The following KIAA1217 variants were observed in gnomAD, a reference collection of about 807,000 sequenced individuals.
KIAA1217 encodes KIAA1217.
In KIAA1217, 88 loss-of-function variants were observed where a neutral mutation model predicts 163.9. The ratio of observed to expected loss-of-function variants is 0.54; its 90% CI spans 0.45 to 0.64. The LOEUF is 0.64. Among genes scored for constraint, KIAA1217 ranks in the 30% least tolerant of loss-of-function variants. The pLI, the probability that KIAA1217 is intolerant of heterozygous loss-of-function variation, is 0.00. For synonymous variants in KIAA1217, 903 were observed against 923.1 expected (o/e 0.98, Z 0.39); for missense variants, 2,372 against 2,475.0 (o/e 0.96, Z 0.88).
At chr10:23,905,089 C>T (rs192780186) in intron 1 of KIAA1217, among the ~76,000 whole-genome samples, 2 of 111,742 alleles carry the variant, frequency 1.8e-5, no homozygotes, top group African/African-American at 3.6e-5. Flanking sequence ...TTTTTTTTAG[C>T]AGAGTAATCA....
intron 5 of KIAA1217, among the ~76,000 whole-genome samples, chr10:24,444,161 C>A (rs1591991342): frequency 6.6e-6 from 1 of 152,042 alleles, no homozygotes; most frequent in African/African-American, 2.4e-5. Flanking sequence ...CAGGTGCACA[C>A]CACCACTCTT....
intron 11 of KIAA1217, 99 bp downstream of exon 11, chr10:24,520,352 T>C: frequency 6.7e-7 from 1 of 1,491,122 alleles, no homozygotes; most frequent in Non-Finnish European, 9.2e-7. Flanking sequence ...TGCAAGTATT[T>C]ATTAAACGTC....
At chr10:24,272,778 T>G (rs1183816068) in intron 2 of KIAA1217, among the ~76,000 whole-genome samples, 1 of 152,254 alleles carries the variant, frequency 6.6e-6, no homozygotes, top group African/African-American at 2.4e-5. Context: ...ATAAATCATA[T>G]TCAAGGGTTT....
intron 1 of KIAA1217, among the ~76,000 whole-genome samples, chr10:23,711,330 T>G (rs1837242516): frequency 6.6e-6 from 1 of 152,144 alleles, no homozygotes; most frequent in African/African-American, 2.4e-5. Context: ...TTTGATTATC[T>G]AGGTGAGCCA....
chr10:24,531,982 A>T lies in KIAA1217; in HGVS notation c.3235A>T (p.Ile1079Phe), dbSNP rs774882222. Residue 1079 changes from isoleucine to phenylalanine, a missense_variant, in exon 15 of 21, where the codon ATC (isoleucine) becomes TTC (phenylalanine). Ile to Phe is a conservative substitution (Grantham distance 21, BLOSUM62 0). Around this residue, in one of 3 missense-constraint regions of KIAA1217, gnomAD observed 1,431 missense variants for 1,470.3 expected, o/e 0.97. Transcript: ENST00000376454. ...GGTCTACACCGGCAGAAAGGAGAACATCACCGCTAAGGTCTGATAGGCTAA... is the reference window on the plus strand; with the variant it reads ...GGTCTACACCGGCAGAAAGGAGAACTTCACCGCTAAGGTCTGATAGGCTAA... ...DVVYTGRKEN[I>F]TAKASSEDAG... is the part of the protein sequence containing the mutation. 1.3e-6 allele frequency: 2 copies of T among 1,575,114 alleles called. No individual in the cohort carries two copies. Among genetic ancestry groups the T allele is most frequent in the East Asian group, 4.6e-5 (2 of 43,620 alleles).
intron 5 of KIAA1217, among the ~76,000 whole-genome samples, chr10:24,462,830 T>C (rs1361816723): frequency 6.6e-6 from 1 of 152,184 alleles, no homozygotes; most frequent in Non-Finnish European, 1.5e-5. Flanking sequence ...GTTGACAAGT[T>C]ACATAGTAGT....
chr10:23,834,326 G>A (rs904856547), intron 1 of KIAA1217, among the ~76,000 whole-genome samples: 1 of 152,110 alleles, frequency 6.6e-6, no homozygotes, highest in African/African-American at 2.4e-5. Flanking sequence ...ATGCATGCAT[G>A]CTTACTTTCT....
Position 24,501,396 on chromosome 10 carries a change from G to A in KIAA1217, c.1852G>A (p.Gly618Ser), listed in dbSNP as rs750918283. Reference sequence around the variant, plus strand: ...TCTCATAGGAACGCCCCATGTGTCTGGTGGGAAGATGCTCAGTGCTCTGGA... The same window carrying A: ...TCTCATAGGAACGCCCCATGTGTCTAGTGGGAAGATGCTCAGTGCTCTGGA... ...TDSAGTPHVS[G>S]GKMLSALEST... Residue 618 changes from glycine to serine, a missense_variant, in exon 9 of 21, where the codon GGT becomes AGT. Transcript: ENST00000376454. 1 of 1,610,416 alleles carries A rather than the reference G, an allele frequency of 6.2e-7. No homozygotes were observed. The highest frequency in any genetic ancestry group is 1.3e-5 in the African/African-American group (1 of 74,866).
intron 2 of KIAA1217, among the ~76,000 whole-genome samples, chr10:24,264,792 TCTCTCTCTCTCA>T (rs1564368532): frequency 6.7e-6 from 1 of 149,546 alleles, no homozygotes; most frequent in African/African-American, 2.5e-5. Context: ...TCTCTCTCTC[TCTCTCTCTCTCA>T]TTCTCTCTTT....
intron 2 of KIAA1217, among the ~76,000 whole-genome samples, chr10:24,190,667 G>C (rs1174601388): frequency 1.3e-5 from 2 of 152,166 alleles, no homozygotes; most frequent in African/African-American, 4.8e-5. Flanking sequence ...ACGAGCCATG[G>C]AGGATATCCT....
chr10:24,538,613 G>GGAAGGA, intron 17 of KIAA1217, among the ~76,000 whole-genome samples: 2 of 60,476 alleles, frequency 3.3e-5, no homozygotes, highest in Non-Finnish European at 5.5e-5. Context: ...AGGAAAAAGA[G>GGAAGGA]AGGAAGGAAA....
chr10:24,507,497 G>T (rs1393585454), intron 9 of KIAA1217, among the ~76,000 whole-genome samples: 1 of 152,144 alleles, frequency 6.6e-6, no homozygotes, highest in Non-Finnish European at 1.5e-5. Context: ...GCTTTCAAGA[G>T]CTGAAAAACA....
At chr10:24,084,448 T>C (rs528320345) in intron 2 of KIAA1217, among the ~76,000 whole-genome samples, 20 of 152,356 alleles carry the variant, frequency 1.3e-4, no homozygotes, top group African/African-American at 4.8e-4. Context: ...AAGTGCTTTT[T>C]GTGTATTATC....
intron 2 of KIAA1217, among the ~76,000 whole-genome samples, chr10:24,331,578 G>A (rs992890435): frequency 2.0e-5 from 3 of 152,224 alleles, no homozygotes; most frequent in Non-Finnish European, 2.9e-5. Context: ...TGAACAAAGC[G>A]TGGCTTGAAT....
intron 6 of KIAA1217, among the ~76,000 whole-genome samples, chr10:24,474,338 G>A (rs560273334): frequency 1.4e-4 from 21 of 152,210 alleles, no homozygotes; most frequent in South Asian, 4.1e-4. Context: ...GGATCTAAGA[G>A]CATTATCATT....
At position 24,137,442 on chromosome 10, in the gene KIAA1217, A is replaced by C. The variant is rs142961657; in HGVS notation, c.-170-82184A>C. Among the ~76,000 whole-genome samples the C allele has an allele frequency of 4.0e-3, 610 of 152,286 alleles. 2 individuals are homozygous for C. The highest frequency in any genetic ancestry group is 6.8e-3 in the Middle Eastern group (2 of 294). ...GAGCAGAGATTGACACTTTGCAGGC[A>C]TTTTCTGCTGCTGCACCAACACTCT... On this transcript the variant is annotated intron_variant, in intron 2 of 18. Transcript: ENST00000376462.
intron 9 of KIAA1217, among the ~76,000 whole-genome samples, chr10:24,510,600 T>A (rs534394158): frequency 2.0e-5 from 3 of 152,266 alleles, no homozygotes; most frequent in Non-Finnish European, 4.4e-5. Context: ...CCCATTTAAT[T>A]ATCTACTCAT....
intron 1 of KIAA1217, among the ~76,000 whole-genome samples, chr10:23,805,974 C>A (rs1836714885): frequency 3.7e-5 from 2 of 54,488 alleles, no homozygotes; most frequent in African/African-American, 8.1e-5. Context: ...CGAGCCTGGG[C>A]AACAAGAGCA....
intron 1 of KIAA1217, among the ~76,000 whole-genome samples, chr10:23,944,417 C>G (rs185064409): frequency 2.0e-5 from 3 of 151,718 alleles, no homozygotes; most frequent in Admixed American, 2.0e-4. Flanking sequence ...GAGTGAGACC[C>G]TGTCTCAAAA....
Sources: gnomAD v4.1 joint callset for allele counts (sites outside exome capture counted in the v4.1 genomes callset) on GRCh38, gnomAD v4.1.1 for gene constraint, gnomAD v4.1.1 regional missense constraint, MANE v1.5 for transcripts, NCBI Gene and HGNC (gene_info 2026-07-23, HGNC 2026-07-21) for gene names.